Variants in C22orf39 observed in about 807,000 individuals in gnomAD.
The protein encoded by C22orf39 is synaptic plasticity regulator PANTS.
C22orf39 carries 20 observed loss-of-function variants against 18.3 expected under a neutral mutation model. That is an observed-to-expected ratio of 1.09 (90% CI 0.77 to 1.59). C22orf39 has a LOEUF of 1.59. Ranked by LOEUF, C22orf39 falls within the 40% of genes most tolerant of loss-of-function variation. The pLI, the probability that C22orf39 is intolerant of heterozygous loss-of-function variation, is 0.00. For synonymous variants in C22orf39, 63 were observed against 59.6 expected, an observed-to-expected ratio of 1.06 and a Z score of -0.26; for missense variants, 195 against 156.1, an observed-to-expected ratio of 1.25 and a Z score of -1.33.
At position 19,443,203 on chromosome 22, in the gene C22orf39, C is replaced by T; in HGVS notation, c.*1062G>A. 1.0e-6 allele frequency: 1 copy of T among 983,698 alleles called. No homozygotes were observed. Among genetic ancestry groups the T allele is most frequent in the Non-Finnish European group, 1.2e-6 (1 of 828,832 alleles). 60.9% of individuals were successfully genotyped at this position (983,698 alleles called of 1,614,324 possible). ...CCTTCTAACGTGATAGATTATTCTG[C>T]CCCAAAGAACAAATTAAAAGATATT... is the stretch of plus-strand genomic sequence containing the variant. On this transcript the variant is annotated 3_prime_UTR_variant, in exon 3 of 3. Coordinates refer to ENST00000399562, the MANE Select transcript of C22orf39 (RefSeq NM_173793.5).
intron 1 of C22orf39, 51 bp downstream of exon 1, chr22:19,447,614 C>G (rs1417528516): frequency 6.3e-7 from 1 of 1,596,534 alleles, no homozygotes; most frequent in Non-Finnish European, 8.5e-7. Flanking sequence ...AGTCCCGTTC[C>G]CTCCCTCCGG....
chr22:19,444,524 C>A, intron 2 of C22orf39, 134 bp from the exon 3 acceptor site: 5 of 822,348 alleles, frequency 6.1e-6, no homozygotes, highest in Non-Finnish European at 7.3e-6. Flanking sequence ...TGCAGCACAG[C>A]TGCTTCCACC....
Position 19,447,368 on chromosome 22 carries a change from C to T in C22orf39, c.192+10G>A. ...GCTCCGAAGCGCCGCCCCGCTCCCT[C>T]CCGGCGCACCTGGGCCTCGGCGTTC... On this transcript the variant is annotated intron_variant, in intron 2 of 2. Coordinates refer to ENST00000399562, the MANE Select transcript of C22orf39 (RefSeq NM_173793.5). 6.7e-7 allele frequency: 1 copy of T among 1,482,910 alleles called. No individual in the cohort carries two copies. Among genetic ancestry groups the T allele is most frequent in the South Asian group, 1.3e-5 (1 of 78,190 alleles). 91.9% of individuals were successfully genotyped at this position (1,482,910 alleles called of 1,614,324 possible).
intron 2 of C22orf39, among the ~76,000 whole-genome samples, chr22:19,444,977 G>A (rs1163817709): frequency 6.6e-6 from 1 of 152,178 alleles, no homozygotes; most frequent in Non-Finnish European, 1.5e-5. Context: ...ATCACAACAT[G>A]GGTGACCTTT....
chr22:19,443,483 A>C lies in C22orf39; in HGVS notation c.*782T>G. Reference sequence around the variant, plus strand: ...ACAAAATCTAACAAGTGTGAACTTAATTTTCAGCTTCTATTTGAAATCAGA... The same window carrying C: ...ACAAAATCTAACAAGTGTGAACTTACTTTTCAGCTTCTATTTGAAATCAGA... On this transcript the variant is annotated 3_prime_UTR_variant, in exon 3 of 3. Transcript: ENST00000399562. 1.0e-6 allele frequency: 1 copy of C among 985,852 alleles called. No homozygotes were observed. Among genetic ancestry groups the C allele is most frequent in the African/African-American group, 1.7e-5 (1 of 57,368 alleles). The allele number at this position is 985,852 out of a possible 1,614,324, so 61.1% of individuals were successfully genotyped here.
chr22:19,446,172 G>C (rs1347950498), intron 2 of C22orf39, among the ~76,000 whole-genome samples: 1 of 151,960 alleles, frequency 6.6e-6, no homozygotes, highest in Admixed American at 6.6e-5. Flanking sequence ...TTTCCATTCT[G>C]AAATAATCCC....
In C22orf39 at chr22:19,443,086, C is replaced by T. The variant is rs2089621989; in HGVS notation, c.*1179G>A. 11 of 718,202 alleles carry T rather than the reference C, an allele frequency of 1.5e-5. 2 individuals are homozygous for T. Among genetic ancestry groups the T allele is most frequent in the South Asian group, 6.2e-5 (1 of 16,082 alleles). The allele number at this position is 718,202 out of a possible 1,614,324, so 44.5% of individuals were successfully genotyped here. ...TGGGATCCCGTGAGCACAACCCCCACCCCCACCCCCACTGTTCACAGACAC... is the reference window on the plus strand; with the variant it reads ...TGGGATCCCGTGAGCACAACCCCCATCCCCACCCCCACTGTTCACAGACAC... On this transcript the variant is annotated 3_prime_UTR_variant, in exon 3 of 3. Transcript: ENST00000399562.
In C22orf39 at chr22:19,441,890, G is replaced by A. The variant is rs994828715; in HGVS notation, c.*2375C>T. ...GCTCACTGCAGCCTCAAACTCCTGG[G>A]CTCAAACAATCCTCCTATCTCAGCC... On this transcript the variant is annotated 3_prime_UTR_variant, in exon 3 of 3. Coordinates refer to ENST00000399562, the MANE Select transcript of C22orf39 (RefSeq NM_173793.5). 2 of 595,730 alleles carry A rather than the reference G, an allele frequency of 3.4e-6. No individual in the cohort carries two copies. Among genetic ancestry groups the A allele is most frequent in the Non-Finnish European group, 5.6e-6 (2 of 357,504 alleles). The allele number at this position is 595,730 out of a possible 1,614,324, so 36.9% of individuals were successfully genotyped here.
In C22orf39 at chr22:19,443,125, G is replaced by T. The variant is rs2089622398; in HGVS notation, c.*1140C>A. The T allele has an allele frequency of 3.1e-6, 3 of 983,084 alleles. No individual in the cohort carries two copies. In the South Asian group the frequency reaches 1.4e-4, roughly 46 times the overall value. The allele number at this position is 983,084 out of a possible 1,614,324, so 60.9% of individuals were successfully genotyped here. Reference sequence around the variant, plus strand: ...GTTCACAGACACAGGGGCTCTTAGGGAGCACAGGAGAAAACACACTCAAGC... The same window carrying T: ...GTTCACAGACACAGGGGCTCTTAGGTAGCACAGGAGAAAACACACTCAAGC... On this transcript the variant is annotated 3_prime_UTR_variant, in exon 3 of 3. Coordinates refer to ENST00000399562, the MANE Select transcript of C22orf39 (RefSeq NM_173793.5).
In C22orf39 at chr22:19,443,096, C is replaced by CCCACG; in HGVS notation, c.*1168_*1169insCGTGG. The stretch of plus-strand genomic sequence containing the variant: ...TGAGCACAACCCCCACCCCCACCCC[C>CCCACG]ACTGTTCACAGACACAGGGGCTCTT... On this transcript the variant is annotated 3_prime_UTR_variant, in exon 3 of 3. Transcript: ENST00000399562. 1.2e-6 allele frequency: 1 copy of CCCACG among 851,084 alleles called. No homozygotes were observed. Among genetic ancestry groups the CCCACG allele is most frequent in the Non-Finnish European group, 1.4e-6 (1 of 709,394 alleles). The allele number at this position is 851,084 out of a possible 1,614,324, so 52.7% of individuals were successfully genotyped here.
At position 19,442,451 on chromosome 22, in the gene C22orf39, T is replaced by G. The variant is rs954062639; in HGVS notation, c.*1814A>C. 1.3e-5 allele frequency: 2 copies of G among 152,342 alleles called. No homozygotes were observed. The highest frequency in any genetic ancestry group is 4.8e-5 in the African/African-American group (2 of 41,458). The allele number at this position is 152,342 out of a possible 1,614,324, so 9.4% of individuals were successfully genotyped here. A position where few individuals can be genotyped will look rare whatever the true frequency, so the allele number is the denominator to read the frequency against. The stretch of plus-strand genomic sequence containing the variant: ...CGTGGCTGCACTGAGGGGAAGCCCC[T>G]CATGGACTGGGGTGCTGGCTGGCAT... On this transcript the variant is annotated 3_prime_UTR_variant, in exon 3 of 3. Coordinates refer to ENST00000399562, the MANE Select transcript of C22orf39 (RefSeq NM_173793.5).
chr22:19,443,602 G>A lies in C22orf39; in HGVS notation c.*663C>T. On this transcript the variant is annotated 3_prime_UTR_variant, in exon 3 of 3. Transcript: ENST00000399562. The stretch of plus-strand genomic sequence containing the variant: ...CTTGGACTTGGATTTCTTCAGCTGA[G>A]TCCACAAACCCTCTTTATGCAAGGT... 2.0e-6 allele frequency: 2 copies of A among 985,456 alleles called. No individual in the cohort carries two copies. The highest frequency in any genetic ancestry group is 2.4e-6 in the Non-Finnish European group (2 of 829,898). The allele number at this position is 985,456 out of a possible 1,614,324, so 61.0% of individuals were successfully genotyped here.
chr22:19,446,728 G>C (rs141987537), intron 2 of C22orf39, among the ~76,000 whole-genome samples: 52 of 152,098 alleles, frequency 3.4e-4, no homozygotes, highest in African/African-American at 1.1e-3. Context: ...CCCTGAGACA[G>C]GTCTCCCTCT....
chr22:19,447,348 G>A (rs1260229125), intron 2 of C22orf39, 30 bp downstream of exon 2: 3 of 1,444,646 alleles, frequency 2.1e-6, no homozygotes. Context: ...AAGGCGCTCC[G>A]AAGCGCCGCC....
rs959656634 is a variant in C22orf39, at chr22:19,444,325, G to T, written c.258C>A (p.Ala86=). ...RAARKHILVW[A]PRQSPPPDWH... ...AGTCTGGAGGGGGGCTCTGCCTCGG[G>T]GCCCACACCAGGATGTGCTTCCGTG... The change falls in exon 3 of 3, where the codon GCC becomes GCA. Residue 86 remains alanine, a synonymous_variant. Transcript: ENST00000399562. 1 of 1,600,792 alleles carries T rather than the reference G, an allele frequency of 6.2e-7. No homozygotes were observed. Among genetic ancestry groups the T allele is most frequent in the Admixed American group, 1.7e-5 (1 of 57,540 alleles).
Position 19,441,599 on chromosome 22 carries a change from G to T in C22orf39, c.*2666C>A. On this transcript the variant is annotated 3_prime_UTR_variant, in exon 3 of 3. Transcript: ENST00000399562. ...GCTGGAGTGCAGTGGCACGATCATA[G>T]CTGACTGCAACCTCAAACTCCTATC... is the stretch of plus-strand genomic sequence containing the variant. 1.1e-6 allele frequency: 1 copy of T among 897,022 alleles called. No individual in the cohort carries two copies. The highest frequency in any genetic ancestry group is 1.8e-6 in the Non-Finnish European group (1 of 559,044). The allele number at this position is 897,022 out of a possible 1,614,324, so 55.6% of individuals were successfully genotyped here.
In C22orf39 at chr22:19,447,459, G is replaced by A; in HGVS notation, c.111C>T (p.Gly37=). 2 of 1,516,254 alleles carry A rather than the reference G, an allele frequency of 1.3e-6. No homozygotes were observed. Among genetic ancestry groups the A allele is most frequent in the Non-Finnish European group, 1.8e-6 (2 of 1,140,946 alleles). 93.9% of individuals were successfully genotyped at this position (1,516,254 alleles called of 1,614,324 possible). Residue 37 remains glycine (G), a synonymous_variant, in exon 2 of 3, where the codon GGC becomes GGT. Transcript: ENST00000399562. ...GCCACTGTTCGCAGGCCGGCCGCTC[G>A]CCGTGGACGTAGTAGTGGTGTAGGA... The part of the protein sequence containing the change: ...RHFLHHYYVH[G]ERPACEQWQR...
chr22:19,444,087 C>A lies in C22orf39; in HGVS notation c.*178G>T. ...GCAGAACATCGCAGTGTCAGGGTAT[C>A]CTGCATGCAGGTGAGGGGTGGGCAA... On this transcript the variant is annotated 3_prime_UTR_variant, in exon 3 of 3. Transcript: ENST00000399562. The A allele has an allele frequency of 7.5e-7, 1 of 1,339,536 alleles. No homozygotes were observed. The highest frequency in any genetic ancestry group is 1.5e-5 in the African/African-American group (1 of 65,312). The allele number at this position is 1,339,536 out of a possible 1,614,324, so 83.0% of individuals were successfully genotyped here. A position where few individuals can be genotyped will look rare whatever the true frequency, so the allele number is the denominator to read the frequency against.
intron 2 of C22orf39, among the ~76,000 whole-genome samples, chr22:19,446,859 C>T (rs879607948): frequency 5.3e-5 from 8 of 152,184 alleles, no homozygotes; most frequent in Admixed American, 5.2e-4. Context: ...CACGCCACCA[C>T]ACTTTGCTAA....
Sources: allele counts gnomAD v4.1 joint callset (sites outside exome capture counted in the v4.1 genomes callset), GRCh38; gene constraint gnomAD v4.1.1; transcripts MANE v1.5; gene names NCBI Gene and HGNC (gene_info 2026-07-23, HGNC 2026-07-21).